Variants in CTNNA3 observed in about 807,000 individuals in gnomAD.
CTNNA3 encodes catenin alpha 3.
CTNNA3 carries 76 observed loss-of-function variants against 95.7 expected under a neutral mutation model. The ratio of observed to expected loss-of-function variants is 0.79; its 90% CI spans 0.66 to 0.96. The LOEUF (loss-of-function observed/expected upper bound fraction) is 0.96, where lower values mean the gene tolerates loss of function less well. CTNNA3 is among the 40% of genes least tolerant of loss of function. The probability of loss-of-function intolerance (pLI) is 0.00; values close to 1 mark genes in which losing one functional copy is unlikely to be tolerated. For synonymous variants in CTNNA3, 431 were observed against 374.4 expected (o/e 1.15, Z -1.74); for missense variants, 1,191 against 1,089.8 (o/e 1.09, Z -1.31).
At chr10:67,406,247 TG>T (rs1305733198) in intron 5 of CTNNA3, among the ~76,000 whole-genome samples, 1 of 152,204 alleles carries the variant, frequency 6.6e-6, no homozygotes, top group East Asian at 1.9e-4. Flanking sequence ...TTACCCAGCC[TG>T]GGGTATTTCA....
At chr10:67,106,979 C>G (rs1364362126) in intron 7 of CTNNA3, among the ~76,000 whole-genome samples, 1 of 152,068 alleles carries the variant, frequency 6.6e-6, no homozygotes, top group East Asian at 1.9e-4. Context: ...AAGTTTAATA[C>G]CTGCAATCAT....
intron 5 of CTNNA3, among the ~76,000 whole-genome samples, chr10:67,386,473 G>A (rs1352825363): frequency 6.6e-6 from 1 of 152,052 alleles, no homozygotes; most frequent in East Asian, 1.9e-4. Flanking sequence ...ATGGTAAAAT[G>A]GGCGTTTCTC....
intron 15 of CTNNA3, among the ~76,000 whole-genome samples, chr10:65,990,096 T>TACACACAC (rs377426492): frequency 4.7e-5 from 7 of 147,444 alleles, no homozygotes; most frequent in African/African-American, 1.7e-4. Flanking sequence ...TGTGTGTGTA[T>TACACACAC]ACACACACAC....
chr10:66,595,185 T>C (rs934563921), intron 10 of CTNNA3, among the ~76,000 whole-genome samples: 22 of 151,916 alleles, frequency 1.4e-4, no homozygotes, highest in Non-Finnish European at 2.6e-4. Context: ...AATCCAAGAA[T>C]AGACGCATTA....
At chr10:67,480,947 G>A (rs1848199432) in intron 5 of CTNNA3, among the ~76,000 whole-genome samples, 1 of 152,106 alleles carries the variant, frequency 6.6e-6, no homozygotes, top group Non-Finnish European at 1.5e-5. Flanking sequence ...CGCAACGTTG[G>A]TTCAACATAC....
chr10:67,049,861 C>T (rs1304529520), intron 7 of CTNNA3, among the ~76,000 whole-genome samples: 1 of 152,152 alleles, frequency 6.6e-6, no homozygotes, highest in Non-Finnish European at 1.5e-5. Context: ...TATATACACA[C>T]ACATTTTGTA....
At chr10:66,234,463 G>T (rs535419518) in intron 13 of CTNNA3, among the ~76,000 whole-genome samples, 2 of 152,072 alleles carry the variant, frequency 1.3e-5, no homozygotes, top group Non-Finnish European at 2.9e-5. Flanking sequence ...GTGTGTGAAG[G>T]ATGATTGAAC....
chr10:66,188,876 A>T (rs1038544465), intron 13 of CTNNA3, among the ~76,000 whole-genome samples: 10 of 151,924 alleles, frequency 6.6e-5, no homozygotes, highest in Admixed American at 3.3e-4. Context: ...TTTTCTCCAC[A>T]TCCTCACCAA....
intron 5 of CTNNA3, among the ~76,000 whole-genome samples, chr10:67,269,970 T>A (rs1838897050): frequency 6.6e-6 from 1 of 152,096 alleles, no homozygotes; most frequent in African/African-American, 2.4e-5. Context: ...GCCTTTGAGG[T>A]CTGTACTGAA....
intron 13 of CTNNA3, among the ~76,000 whole-genome samples, chr10:66,107,495 A>C (rs2081955841): frequency 6.6e-6 from 1 of 152,212 alleles, no homozygotes; most frequent in African/African-American, 2.4e-5. Flanking sequence ...ACTTGATTCA[A>C]GCAAAAGAAG....
chr10:66,748,041 T>C (rs1234382655), intron 9 of CTNNA3, among the ~76,000 whole-genome samples: 3 of 152,168 alleles, frequency 2.0e-5, no homozygotes, highest in African/African-American at 7.2e-5. Flanking sequence ...AGCTGGTGTC[T>C]GTGCTTCCTG....
At chr10:67,605,684 ATTT>A (rs563343263) in intron 3 of CTNNA3, among the ~76,000 whole-genome samples, 2 of 150,176 alleles carry the variant, frequency 1.3e-5, no homozygotes, top group Non-Finnish European at 3.0e-5. Context: ...AAATACAAAA[ATTT>A]TTTTTTTTGA....
chr10:66,840,027 A>G lies in CTNNA3; in HGVS notation c.1048-64503T>C, dbSNP rs1003650693. ...AATCCCTCAAGTTATCTGAATTTGAAAGATTTTATGTGGCTTCAAAAACTA... is the reference window on the plus strand; with the variant it reads ...AATCCCTCAAGTTATCTGAATTTGAGAGATTTTATGTGGCTTCAAAAACTA... On this transcript the variant is annotated intron_variant, in intron 7 of 17. Coordinates refer to ENST00000433211, the MANE Select transcript of CTNNA3 (RefSeq NM_013266.4). 3.3e-5 allele frequency among the ~76,000 whole-genome samples: 5 copies of G among 152,096 alleles called. No individual in the cohort carries two copies. The South Asian group carries it at 8.3e-4, about 25-fold the overall frequency.
At chr10:67,604,528 C>T (rs1843199229) in intron 3 of CTNNA3, among the ~76,000 whole-genome samples, 1 of 152,140 alleles carries the variant, frequency 6.6e-6, no homozygotes, top group South Asian at 2.1e-4. Context: ...AAGGCTAATG[C>T]AATAATCCTG....
At chr10:66,367,088 CTCAG>C (rs2092715730) in intron 12 of CTNNA3, among the ~76,000 whole-genome samples, 2 of 152,124 alleles carry the variant, frequency 1.3e-5, no homozygotes, top group Admixed American at 6.6e-5. Flanking sequence ...AGAGTCCCTT[CTCAG>C]TCACACAGGA....
intron 9 of CTNNA3, among the ~76,000 whole-genome samples, chr10:66,712,753 T>G (rs1848336711): frequency 1.3e-5 from 2 of 152,182 alleles, no homozygotes; most frequent in Non-Finnish European, 2.9e-5. Flanking sequence ...CACTTTTTCA[T>G]GCTGAATGAT....
chr10:66,016,709 T>C (rs2079102999), intron 15 of CTNNA3, among the ~76,000 whole-genome samples: 1 of 152,140 alleles, frequency 6.6e-6, no homozygotes, highest in Non-Finnish European at 1.5e-5. Flanking sequence ...TCCCTATTTT[T>C]CCTTCTTTAT....
intron 5 of CTNNA3, among the ~76,000 whole-genome samples, chr10:67,226,209 A>G (rs979119082): frequency 6.6e-6 from 1 of 152,234 alleles, no homozygotes; most frequent in Non-Finnish European, 1.5e-5. Flanking sequence ...CAAAGCCTCC[A>G]AGAAGTCTAG....
intron 7 of CTNNA3, among the ~76,000 whole-genome samples, chr10:67,059,055 T>C (rs1285305360): frequency 6.6e-6 from 1 of 152,204 alleles, no homozygotes; most frequent in Non-Finnish European, 1.5e-5. Flanking sequence ...CACAAAGGAT[T>C]GATAAATATC....
Sources: gnomAD v4.1 joint callset for allele counts (sites outside exome capture counted in the v4.1 genomes callset) on GRCh38, gnomAD v4.1.1 for gene constraint, MANE v1.5 for transcripts, NCBI Gene and HGNC (gene_info 2026-07-23, HGNC 2026-07-21) for gene names.